The following MDGA2 variants were observed in gnomAD, a reference collection of about 807,000 sequenced individuals.
MDGA2 encodes the protein MAM domain-containing glycosylphosphatidylinositol anchor protein 2.
Under a neutral mutation model 117.8 loss-of-function variants are expected in MDGA2, and 40 were observed. The ratio of observed to expected loss-of-function variants is 0.34; its 90% CI spans 0.26 to 0.44. MDGA2 has a LOEUF of 0.44. Ranked by LOEUF, MDGA2 falls within the 20% of genes least tolerant of loss-of-function variation. The pLI is 1.00. For synonymous variants in MDGA2, 452 were observed against 439.0 expected (o/e 1.03, Z -0.37); for missense variants, 1,123 against 1,250.6 (o/e 0.90, Z 1.54).
At chr14:47,140,571 C>T (rs1882674969) in intron 4 of MDGA2, among the ~76,000 whole-genome samples, 1 of 152,066 alleles carries the variant, frequency 6.6e-6, no homozygotes, top group Non-Finnish European at 1.5e-5. Context: ...TAAAATCTCA[C>T]ATTAGGGAAT....
At chr14:46,961,835 G>A (rs1056288632) in intron 8 of MDGA2, among the ~76,000 whole-genome samples, 32 of 151,818 alleles carry the variant, frequency 2.1e-4, no homozygotes, top group African/African-American at 7.5e-4. Flanking sequence ...GTAGAGACGG[G>A]GTTTCACCAT....
rs112144084 is a variant in MDGA2, at chr14:47,294,940, T to A, written c.420+6471A>T. On this transcript the variant is annotated intron_variant, in intron 2 of 16. Transcript: ENST00000399232. Reference sequence around the variant, plus strand: ...AACAGCCTTGGTAGTTAAAAATGCATTTATACAACAATCAAATGACTGAAT... The same window carrying A: ...AACAGCCTTGGTAGTTAAAAATGCAATTATACAACAATCAAATGACTGAAT... Among the ~76,000 whole-genome samples the A allele has an allele frequency of 9.7e-4, 148 of 152,292 alleles. 1 individual carries two copies. The highest frequency in any genetic ancestry group is 3.5e-3 in the African/African-American group (145 of 41,574).
Position 47,267,116 on chromosome 14 carries a change from CTTG to C in MDGA2, c.420+34292_420+34294del, listed in dbSNP as rs1182133601. ...GCATGAAGTACCTGGTAACACTGTCCTTGTTAAGAATCTAACCATGTCTATAGA... is the reference window on the plus strand; with the variant it reads ...GCATGAAGTACCTGGTAACACTGTCCTTAAGAATCTAACCATGTCTATAGA... On this transcript the variant is annotated intron_variant, in intron 2 of 16. Transcript: ENST00000399232. Among the ~76,000 whole-genome samples the C allele has an allele frequency of 2.0e-5, 3 of 152,104 alleles. No individual in the cohort carries two copies. The East Asian group carries it at 5.8e-4, about 29-fold the overall frequency.
At chr14:47,331,343 G>A (rs1029228019) in intron 1 of MDGA2, among the ~76,000 whole-genome samples, 1 of 151,822 alleles carries the variant, frequency 6.6e-6, no homozygotes, top group African/African-American at 2.4e-5. Flanking sequence ...TTAGCCTTGA[G>A]CACTTTGGTA....
At chr14:47,431,254 C>T (rs901476466) in intron 1 of MDGA2, among the ~76,000 whole-genome samples, 13 of 151,928 alleles carry the variant, frequency 8.6e-5, no homozygotes, top group African/African-American at 2.9e-4. Context: ...AATGGCAACT[C>T]ACTCAGCTTT....
chr14:47,024,898 A>C (rs1190711381), intron 8 of MDGA2, among the ~76,000 whole-genome samples: 1 of 152,062 alleles, frequency 6.6e-6, no homozygotes, highest in Admixed American at 6.6e-5. Context: ...TTGCCAGGAG[A>C]AAGGAACTCA....
chr14:47,345,787 G>A (rs1033182737), intron 1 of MDGA2, among the ~76,000 whole-genome samples: 7 of 152,082 alleles, frequency 4.6e-5, no homozygotes, highest in Non-Finnish European at 7.4e-5. Context: ...TGTGTTTACT[G>A]TTTTCATTAT....
At chr14:47,653,100 A>C (rs993820805) in intron 1 of MDGA2, among the ~76,000 whole-genome samples, 1 of 152,160 alleles carries the variant, frequency 6.6e-6, no homozygotes, top group African/African-American at 2.4e-5. Context: ...ATCCCATAAG[A>C]ATCTTAGATG....
intron 3 of MDGA2, among the ~76,000 whole-genome samples, chr14:47,169,211 C>A (rs1031407732): frequency 6.6e-6 from 1 of 151,934 alleles, no homozygotes; most frequent in Non-Finnish European, 1.5e-5. Context: ...TCTCAGCTTA[C>A]TTATGAGTTC....
intron 1 of MDGA2, among the ~76,000 whole-genome samples, chr14:47,516,070 A>G (rs1415710500): frequency 6.6e-6 from 1 of 152,154 alleles, no homozygotes; most frequent in African/African-American, 2.4e-5. Flanking sequence ...TCAAAGACTT[A>G]GTACATTTTC....
intron 2 of MDGA2, among the ~76,000 whole-genome samples, chr14:47,218,993 G>C (rs1372561525): frequency 3.3e-5 from 5 of 151,984 alleles, no homozygotes; most frequent in Non-Finnish European, 5.9e-5. Context: ...GTATTTTAGT[G>C]TATAAAACCT....
chr14:47,359,532 G>A (rs1891067981), intron 1 of MDGA2, among the ~76,000 whole-genome samples: 1 of 152,112 alleles, frequency 6.6e-6, no homozygotes, highest in East Asian at 1.9e-4. Context: ...CACCAATAAT[G>A]CACAATGAGG....
At chr14:47,008,407 G>A (rs972221324) in intron 8 of MDGA2, among the ~76,000 whole-genome samples, 2 of 151,790 alleles carry the variant, frequency 1.3e-5, no homozygotes, top group African/African-American at 2.4e-5. Flanking sequence ...TCTGGCATAA[G>A]GCAGTAAGTC....
chr14:47,567,147 C>G (rs1275540278), intron 1 of MDGA2, among the ~76,000 whole-genome samples: 1 of 151,964 alleles, frequency 6.6e-6, no homozygotes. Flanking sequence ...GTGATCCTCC[C>G]ACCTCAGCCT....
intron 1 of MDGA2, among the ~76,000 whole-genome samples, chr14:47,406,922 A>G (rs1892272090): frequency 1.3e-5 from 2 of 152,098 alleles, no homozygotes; most frequent in East Asian, 3.8e-4. Context: ...ATGTACAAAT[A>G]TAGAAATATA....
chr14:47,505,792 A>T (rs937715662), intron 1 of MDGA2, among the ~76,000 whole-genome samples: 1 of 152,204 alleles, frequency 6.6e-6, no homozygotes, highest in Non-Finnish European at 1.5e-5. Context: ...ATCTATGGTA[A>T]GACCTTCATG....
chr14:47,137,128 G>C (rs1882495906), intron 4 of MDGA2, among the ~76,000 whole-genome samples: 1 of 152,024 alleles, frequency 6.6e-6, no homozygotes, highest in Admixed American at 6.6e-5. Flanking sequence ...GTTATCTAAA[G>C]GTAAAAAATA....
At position 47,540,095 on chromosome 14, in the gene MDGA2, C is replaced by T. The variant is rs146425400; in HGVS notation, c.280+134422G>A. ...TGGCACGATCTCGGCTCACTGCAGG[C>T]TCCGCCCCCCGGGGTTCACGCCATT... On this transcript the variant is annotated intron_variant, in intron 1 of 16. Coordinates refer to ENST00000399232, the MANE Select transcript of MDGA2 (RefSeq NM_001113498.3). Among the ~76,000 whole-genome samples the T allele has an allele frequency of 2.1e-4, 32 of 152,250 alleles. No homozygotes were observed. In the East Asian group the frequency reaches 5.4e-3, roughly 26 times the overall value.
At chr14:47,256,337 A>C (rs1209933265) in intron 2 of MDGA2, among the ~76,000 whole-genome samples, 1 of 152,064 alleles carries the variant, frequency 6.6e-6, no homozygotes, top group South Asian at 2.1e-4. Flanking sequence ...GCCTGCCCCT[A>C]AATGTCTTTC....
Sources: allele counts gnomAD v4.1 joint callset (sites outside exome capture counted in the v4.1 genomes callset), GRCh38; gene constraint gnomAD v4.1.1; transcripts MANE v1.5; gene names NCBI Gene and HGNC (gene_info 2026-07-23, HGNC 2026-07-21).